CCDC150: variants seen among roughly 807,000 people sequenced by gnomAD.
CCDC150 encodes the protein coiled-coil domain-containing protein 150.
Under a neutral mutation model 156.5 loss-of-function variants are expected in CCDC150, and 151 were observed. The observed-to-expected ratio is 0.97, with a 90% CI of 0.85 to 1.10. The LOEUF is 1.10. CCDC150 is among the 50% of genes least tolerant of loss of function. CCDC150 has a pLI of 0.00. For synonymous variants in CCDC150, 452 were observed against 429.4 expected (o/e 1.05, Z -0.65); for missense variants, 1,312 against 1,268.1 (o/e 1.03, Z -0.53).
chr2:196,703,075 C>T (rs1295632512), intron 15 of CCDC150, among the ~76,000 whole-genome samples: 1 of 152,232 alleles, frequency 6.6e-6, no homozygotes, highest in African/African-American at 2.4e-5. Flanking sequence ...GGTCCCACTA[C>T]CTCTCAACAT....
chr2:196,656,586 G>T (rs1331401537), intron 2 of CCDC150, 47 bp from the exon 3 acceptor site: 1 of 1,327,150 alleles, frequency 7.5e-7, no homozygotes, highest in Admixed American at 2.1e-5. Flanking sequence ...GATTACCATA[G>T]TAGAAATTGC....
chr2:196,678,832 G>A (rs1007223841), intron 13 of CCDC150, among the ~76,000 whole-genome samples: 10 of 152,142 alleles, frequency 6.6e-5, no homozygotes, highest in Non-Finnish European at 1.2e-4. Flanking sequence ...CTTGAACCTC[G>A]TAGGTGGAGG....
rs949405129 is a variant in CCDC150, at chr2:196,684,349, AT to A, written c.1509+6989del. Among the ~76,000 whole-genome samples, 39 of 152,110 alleles carry A rather than the reference AT, an allele frequency of 2.6e-4. No homozygotes were observed. In the Middle Eastern group the frequency reaches 0.01, roughly 40 times the overall value. ...AGTGACATGTTTAGTTTATTCACATATGTGAATTCCCCAAATATTCTTTTAT... is the reference window on the plus strand; with the variant it reads ...AGTGACATGTTTAGTTTATTCACATAGTGAATTCCCCAAATATTCTTTTAT... On this transcript the variant is annotated intron_variant, in intron 13 of 27. Coordinates refer to ENST00000389175, the MANE Select transcript of CCDC150 (RefSeq NM_001080539.2).
intron 14 of CCDC150, among the ~76,000 whole-genome samples, chr2:196,696,283 A>G (rs1695820506): frequency 6.6e-6 from 1 of 152,138 alleles, no homozygotes; most frequent in Non-Finnish European, 1.5e-5. Flanking sequence ...TAGTATCTGA[A>G]CTGTCTCAGA....
chr2:196,718,482 T>C (rs772769941), intron 17 of CCDC150, 21 bp from the exon 18 acceptor site: 3 of 1,570,208 alleles, frequency 1.9e-6, no homozygotes, highest in South Asian at 2.3e-5. Context: ...TGTTATTTAT[T>C]GTTTCTTTTT....
chr2:196,669,789 A>T, intron 7 of CCDC150, 44 bp from the exon 8 acceptor site: 1 of 1,311,850 alleles, frequency 7.6e-7, no homozygotes, highest in Non-Finnish European at 1.1e-6. Flanking sequence ...ATTTTAATGT[A>T]GCAAGTTACT....
intron 5 of CCDC150, among the ~76,000 whole-genome samples, chr2:196,662,437 A>G (rs984498681): frequency 6.6e-6 from 1 of 152,208 alleles, no homozygotes; most frequent in Non-Finnish European, 1.5e-5. Context: ...ACCTCAAATC[A>G]TCAGGCATTA....
At chr2:196,718,448 C>T (rs1480718049) in intron 17 of CCDC150, 55 bp from the exon 18 acceptor site, 1 of 1,425,848 alleles carries the variant, frequency 7.0e-7, no homozygotes, top group Non-Finnish European at 9.5e-7. Flanking sequence ...ATTTCTATGT[C>T]TTATTCTAAT....
At chr2:196,654,315 A>G (rs796944834) in intron 2 of CCDC150, among the ~76,000 whole-genome samples, 60 of 150,830 alleles carry the variant, frequency 4.0e-4, no homozygotes, top group African/African-American at 1.4e-3. Context: ...TTTTTTTATT[A>G]TTATTATTTC....
chr2:196,674,324 TG>T lies in CCDC150; in HGVS notation c.1114del (p.Ala372LeufsTer9), dbSNP rs1694370534. 3 of 1,602,072 alleles carry T rather than the reference TG, an allele frequency of 1.9e-6. No homozygotes were observed. The highest frequency in any genetic ancestry group is 2.6e-6 in the Non-Finnish European group (3 of 1,173,828). ...TTACTATGGAAAAAGCCAGAATCAT[TG>T]CTGACCATCAGGCCATTCTGCAGGT... ...TVTMEKARII[A>X]DHQAILQVEQ... On this transcript the variant is annotated frameshift_variant, in exon 10 of 28. Coordinates refer to ENST00000389175, the MANE Select transcript of CCDC150 (RefSeq NM_001080539.2). LOFTEE classifies it high-confidence loss of function.
chr2:196,682,660 A>G (rs1300736358), intron 13 of CCDC150, among the ~76,000 whole-genome samples: 1 of 152,090 alleles, frequency 6.6e-6, no homozygotes, highest in African/African-American at 2.4e-5. Flanking sequence ...AAGTGAAACG[A>G]CATACAGCAG....
At chr2:196,714,200 G>A (rs181061619) in intron 17 of CCDC150, among the ~76,000 whole-genome samples, 48 of 152,226 alleles carry the variant, frequency 3.2e-4, no homozygotes, top group Admixed American at 2.7e-3. Flanking sequence ...TGAAAAAATC[G>A]CGCAAAGTAA....
chr2:196,717,218 A>G (rs982506849), intron 17 of CCDC150, among the ~76,000 whole-genome samples: 1 of 152,078 alleles, frequency 6.6e-6, no homozygotes, highest in Non-Finnish European at 1.5e-5. Context: ...GAACTGTAGA[A>G]ATAGAGAACA....
chr2:196,690,042 G>A (rs1457954316), intron 13 of CCDC150, among the ~76,000 whole-genome samples: 3 of 152,056 alleles, frequency 2.0e-5, no homozygotes, highest in African/African-American at 7.2e-5. Flanking sequence ...ATACTATGCA[G>A]CCATAAAAAA....
chr2:196,712,148 AAAGTT>A lies in CCDC150; in HGVS notation c.1702_1706del (p.Val568ThrfsTer11), dbSNP rs1195759232. On this transcript the variant is annotated frameshift_variant, in exon 16 of 28. Transcript: ENST00000389175. LOFTEE classifies it high-confidence loss of function. Reference sequence around the variant, plus strand: ...TGTATTTTTGTTTTTCCTCTAGATAAAAGTTAAACAGCTAGAAGAACAAGTACAGT... The same window carrying A: ...TGTATTTTTGTTTTTCCTCTAGATAAAAACAGCTAGAAGAACAAGTACAGT... 1 of 1,512,056 alleles carries A rather than the reference AAAGTT, an allele frequency of 6.6e-7. No individual in the cohort carries two copies. The highest frequency in any genetic ancestry group is 8.9e-7 in the Non-Finnish European group (1 of 1,119,048). 93.7% of individuals were successfully genotyped at this position (1,512,056 alleles called of 1,614,324 possible). A position where few individuals can be genotyped will look rare whatever the true frequency, so the allele number is the denominator to read the frequency against.
chr2:196,647,241 T>C (rs1172207640), intron 2 of CCDC150, among the ~76,000 whole-genome samples: 1 of 152,124 alleles, frequency 6.6e-6, no homozygotes, highest in East Asian at 1.9e-4. Context: ...ATTATGACTT[T>C]AAAAATTTTC....
intron 14 of CCDC150, among the ~76,000 whole-genome samples, chr2:196,698,332 A>G (rs1008542896): frequency 6.6e-6 from 1 of 152,186 alleles, no homozygotes; most frequent in Non-Finnish European, 1.5e-5. Context: ...TCGTTTGTAC[A>G]TTAGCATTCT....
At chr2:196,704,289 C>T (rs1050409261) in intron 15 of CCDC150, among the ~76,000 whole-genome samples, 1 of 152,120 alleles carries the variant, frequency 6.6e-6, no homozygotes. Context: ...CAGTGCTGTA[C>T]AGTATTCCAT....
intron 13 of CCDC150, among the ~76,000 whole-genome samples, chr2:196,690,359 G>A (rs929827219): frequency 6.6e-6 from 1 of 151,854 alleles, no homozygotes; most frequent in African/African-American, 2.4e-5. Context: ...TTGTGCACAT[G>A]TACCCTAAAA....
Sources: gnomAD v4.1 joint callset for allele counts (sites outside exome capture counted in the v4.1 genomes callset) on GRCh38, gnomAD v4.1.1 for gene constraint, MANE v1.5 for transcripts, NCBI Gene and HGNC (gene_info 2026-07-23, HGNC 2026-07-21) for gene names.